MAPKAP1: variants seen among roughly 807,000 people sequenced by gnomAD.
MAPKAP1 encodes the protein MAPK associated protein 1.
MAPKAP1 carries 20 observed loss-of-function variants against 65.7 expected under a neutral mutation model. That is an observed-to-expected ratio of 0.30 (90% CI 0.21 to 0.44). The LOEUF (loss-of-function observed/expected upper bound fraction) is 0.44, where lower values mean the gene tolerates loss of function less well. MAPKAP1 is among the 20% of genes least tolerant of loss of function. MAPKAP1 has a pLI of 1.00. For synonymous variants in MAPKAP1, 222 were observed against 244.3 expected (o/e 0.91, Z 0.85); for missense variants, 423 against 648.0 (o/e 0.65, Z 3.77).
intron 10 of MAPKAP1, among the ~76,000 whole-genome samples, chr9:125,461,169 C>T (rs892191260): frequency 6.6e-6 from 1 of 152,200 alleles, no homozygotes; most frequent in African/African-American, 2.4e-5. Context: ...CCTAAGAAGA[C>T]AGTTCAACAT....
chr9:125,486,173 T>C (rs1237194500), intron 8 of MAPKAP1, among the ~76,000 whole-genome samples: 4 of 152,346 alleles, frequency 2.6e-5, no homozygotes, highest in Non-Finnish European at 2.9e-5. Flanking sequence ...CGTTACTGCA[T>C]TGAAGGTCTT....
intron 4 of MAPKAP1, among the ~76,000 whole-genome samples, chr9:125,615,255 A>G (rs1010634413): frequency 6.6e-6 from 1 of 152,212 alleles, no homozygotes; most frequent in Admixed American, 6.5e-5. Context: ...AAATTTTACT[A>G]AAGATATTAT....
intron 7 of MAPKAP1, among the ~76,000 whole-genome samples, chr9:125,529,127 T>C (rs938684400): frequency 6.9e-6 from 1 of 145,634 alleles, no homozygotes; most frequent in African/African-American, 2.6e-5. Flanking sequence ...TGGGCCAAGG[T>C]TGCACCATTG....
intron 1 of MAPKAP1, among the ~76,000 whole-genome samples, chr9:125,697,614 T>C (rs1188534276): frequency 2.0e-5 from 3 of 152,238 alleles, no homozygotes; most frequent in Admixed American, 6.5e-5. Context: ...ATTAAGGTTC[T>C]AATTTTTGCT....
At chr9:125,644,996 G>T (rs1474609405) in intron 4 of MAPKAP1, among the ~76,000 whole-genome samples, 1 of 152,160 alleles carries the variant, frequency 6.6e-6, no homozygotes, top group East Asian at 1.9e-4. Flanking sequence ...CCTCAAACAT[G>T]TAGGAGGTGG....
At chr9:125,441,403 A>G (rs1852477392) in intron 11 of MAPKAP1, among the ~76,000 whole-genome samples, 1 of 152,202 alleles carries the variant, frequency 6.6e-6, no homozygotes, top group South Asian at 2.1e-4. Context: ...CTCCTCTTCT[A>G]TAAAATGGGG....
chr9:125,542,844 T>G (rs556309017), intron 7 of MAPKAP1: 2 of 703,930 alleles, frequency 2.8e-6, no homozygotes, highest in Non-Finnish European at 5.3e-6. Flanking sequence ...ACAATTGATA[T>G]GAATACATTC....
intron 1 of MAPKAP1, among the ~76,000 whole-genome samples, chr9:125,684,478 C>T (rs1834914593): frequency 6.6e-6 from 1 of 152,120 alleles, no homozygotes; most frequent in South Asian, 2.1e-4. Flanking sequence ...TTTGAAGCCA[C>T]TAAATTTGTG....
intron 4 of MAPKAP1, among the ~76,000 whole-genome samples, chr9:125,585,997 G>T (rs1259989323): frequency 6.6e-6 from 1 of 152,164 alleles, no homozygotes; most frequent in Non-Finnish European, 1.5e-5. Context: ...GTGGTGAGTA[G>T]AGTTCATGTT....
At chr9:125,620,429 T>C (rs567786841) in intron 4 of MAPKAP1, among the ~76,000 whole-genome samples, 2 of 152,288 alleles carry the variant, frequency 1.3e-5, no homozygotes, top group South Asian at 2.1e-4. Context: ...ATTGGAGCAA[T>C]CCCGAAGGAG....
chr9:125,621,220 C>T (rs955515372), intron 4 of MAPKAP1, among the ~76,000 whole-genome samples: 4 of 151,766 alleles, frequency 2.6e-5, no homozygotes, highest in South Asian at 2.1e-4. Flanking sequence ...TGCAGTGAGC[C>T]GTGATCATGC....
At chr9:125,683,479 A>C (rs4329365) in intron 1 of MAPKAP1, among the ~76,000 whole-genome samples, 43,083 of 152,092 alleles carry the variant, frequency 0.28, 7,569 homozygotes, top group Non-Finnish European at 0.39. Flanking sequence ...TTATGGAACT[A>C]CACATGGCAA....
intron 7 of MAPKAP1, among the ~76,000 whole-genome samples, chr9:125,508,992 AAGC>A (rs1193001699): frequency 3.9e-5 from 6 of 152,178 alleles, no homozygotes; most frequent in Non-Finnish European, 7.3e-5. Context: ...TACTTTATGA[AAGC>A]AGCAAATTAC....
chr9:125,577,131 C>A (rs1460272128), intron 5 of MAPKAP1, among the ~76,000 whole-genome samples: 1 of 149,814 alleles, frequency 6.7e-6, no homozygotes, highest in African/African-American at 2.5e-5. Context: ...TCTGCCCGGC[C>A]GCCCATCGTC....
intron 10 of MAPKAP1, among the ~76,000 whole-genome samples, chr9:125,455,454 T>C (rs556395827): frequency 6.6e-6 from 1 of 152,358 alleles, no homozygotes; most frequent in South Asian, 2.1e-4. Context: ...TTAGGTTTTA[T>C]GGACCAAGAG....
chr9:125,578,175 G>A (rs1831505907), intron 5 of MAPKAP1, among the ~76,000 whole-genome samples: 1 of 152,134 alleles, frequency 6.6e-6, no homozygotes, highest in East Asian at 1.9e-4. Flanking sequence ...GTCCACTCAG[G>A]GTTGAATGGA....
chr9:125,682,254 T>C (rs1413140041), intron 1 of MAPKAP1, among the ~76,000 whole-genome samples: 4 of 152,130 alleles, frequency 2.6e-5, no homozygotes, highest in Non-Finnish European at 2.9e-5. Context: ...AGAAATGTCA[T>C]TTTGTACAGA....
intron 7 of MAPKAP1, among the ~76,000 whole-genome samples, chr9:125,539,381 C>T (rs544934607): frequency 2.0e-5 from 3 of 152,284 alleles, no homozygotes; most frequent in Non-Finnish European, 4.4e-5. Flanking sequence ...ACTACTGAGA[C>T]AAGTTATGTG....
At chr9:125,503,880 C>CATT (rs1829057633) in intron 8 of MAPKAP1, among the ~76,000 whole-genome samples, 1 of 66,258 alleles carries the variant, frequency 1.5e-5, no homozygotes, top group South Asian at 5.9e-4. Flanking sequence ...CCACGCTTGG[C>CATT]TTTTTTTTTT....
Sources: allele counts gnomAD v4.1 joint callset (sites outside exome capture counted in the v4.1 genomes callset), GRCh38; gene constraint gnomAD v4.1.1; transcripts MANE v1.5; gene names NCBI Gene and HGNC (gene_info 2026-07-23, HGNC 2026-07-21).